The following BDH2 variants were observed in gnomAD, a reference collection of about 807,000 sequenced individuals.
The protein encoded by BDH2 is dehydrogenase/reductase SDR family member 6.
Under a neutral mutation model 33.2 loss-of-function variants are expected in BDH2, and 24 were observed. The observed-to-expected ratio is 0.72, with a 90% CI of 0.52 to 1.02. The LOEUF is 1.02. BDH2 is among the 50% of genes least tolerant of loss of function. BDH2 has a pLI of 0.00. For synonymous variants in BDH2, 81 were observed against 101.6 expected (o/e 0.80, Z 1.22); for missense variants, 249 against 301.6 (o/e 0.83, Z 1.29).
At chr4:103,095,373 T>C in intron 2 of BDH2, 92 bp from the exon 3 acceptor site, 1 of 928,262 alleles carries the variant, frequency 1.1e-6, no homozygotes, top group South Asian at 1.4e-5. Flanking sequence ...CTCCTTTATC[T>C]TATTTTCATT....
intron 6 of BDH2, 135 bp from the exon 7 acceptor site, chr4:103,085,597 T>TA: frequency 8.3e-6 from 12 of 1,444,398 alleles, no homozygotes; most frequent in Non-Finnish European, 1.1e-5. Context: ...AAAAGATTGA[T>TA]ATCAGATTTT....
chr4:103,088,389 T>C (rs1747904359), intron 5 of BDH2, among the ~76,000 whole-genome samples: 1 of 152,210 alleles, frequency 6.6e-6, no homozygotes, highest in Non-Finnish European at 1.5e-5. Flanking sequence ...AGGCAAAACC[T>C]TAGAATAAAG....
In BDH2 at chr4:103,085,394, C is replaced by A; in HGVS notation, c.487G>T (p.Ala163Ser). Residue 163 changes from alanine (A) to serine (S), a missense_variant, in exon 7 of 10, where the codon GCA (alanine) becomes TCA (serine). Physicochemically the swap from Ala to Ser is moderately conservative, Grantham distance 99 (BLOSUM62 1). Coordinates refer to ENST00000296424, the MANE Select transcript of BDH2 (RefSeq NM_020139.4). Reference sequence around the variant, plus strand: ...CTGATGCCCTGCTGGATGAAATCTGCAGCCACAGATTTTGTGAGGCCAATC... The same window carrying A: ...CTGATGCCCTGCTGGATGAAATCTGAAGCCACAGATTTTGTGAGGCCAATC... ...AVIGLTKSVAADFIQQGIRCN... is the reference protein window; with the variant it reads ...AVIGLTKSVASDFIQQGIRCN... The A allele has an allele frequency of 6.2e-7, 1 of 1,612,234 alleles. No individual in the cohort carries two copies. The highest frequency in any genetic ancestry group is 8.5e-7 in the Non-Finnish European group (1 of 1,179,710).
chr4:103,094,650 C>T (rs188079256), intron 3 of BDH2, among the ~76,000 whole-genome samples: 36 of 151,232 alleles, frequency 2.4e-4, no homozygotes, highest in Non-Finnish European at 2.1e-4. Context: ...TAAGAAACTT[C>T]TAATAATTTA....
At chr4:103,092,399 C>G in intron 4 of BDH2, 1 of 576,902 alleles carries the variant, frequency 1.7e-6, no homozygotes, top group Non-Finnish European at 3.1e-6. Flanking sequence ...CCTCATTTGC[C>G]CCAGATCATG....
At chr4:103,095,742 C>A (rs1273191277) in intron 2 of BDH2, among the ~76,000 whole-genome samples, 1 of 152,104 alleles carries the variant, frequency 6.6e-6, no homozygotes, top group Non-Finnish European at 1.5e-5. Context: ...TACTGTTATA[C>A]TTAAGGTGCC....
At chr4:103,088,286 C>G (rs1053609820) in intron 5 of BDH2, among the ~76,000 whole-genome samples, 5 of 152,152 alleles carry the variant, frequency 3.3e-5, no homozygotes, top group African/African-American at 1.2e-4. Context: ...ATTTAAAATA[C>G]ATATAGAATA....
At chr4:103,085,110 T>A (rs1747714059) in intron 7 of BDH2, among the ~76,000 whole-genome samples, 1 of 152,232 alleles carries the variant, frequency 6.6e-6, no homozygotes, top group Admixed American at 6.5e-5. Flanking sequence ...CCTATAGTTA[T>A]TAAGAAAAGG....
intron 3 of BDH2, among the ~76,000 whole-genome samples, chr4:103,093,379 A>G (rs1748203848): frequency 6.6e-6 from 1 of 151,978 alleles, no homozygotes; most frequent in Non-Finnish European, 1.5e-5. Context: ...CAAGGAGAAG[A>G]AATGAGAGGG....
At chr4:103,081,129 A>G (rs1449365051) in intron 9 of BDH2, among the ~76,000 whole-genome samples, 1 of 152,190 alleles carries the variant, frequency 6.6e-6, no homozygotes, top group Non-Finnish European at 1.5e-5. Flanking sequence ...CATAAAACAG[A>G]GGAGGACCTT....
rs1747366375 is a variant in BDH2, at chr4:103,078,780, T to G, written c.*922A>C. ...GTGGAAATTATTATTATTATTTAGG[T>G]ACAGGGTCTTGCTCTGTCACCCTGG... On this transcript the variant is annotated 3_prime_UTR_variant, in exon 10 of 10. Coordinates refer to ENST00000296424, the MANE Select transcript of BDH2 (RefSeq NM_020139.4). Among the ~76,000 whole-genome samples the G allele has an allele frequency of 2.0e-5, 3 of 152,180 alleles. No individual in the cohort carries two copies. The highest frequency in any genetic ancestry group is 7.2e-5 in the African/African-American group (3 of 41,442).
At chr4:103,079,882 C>T in intron 9 of BDH2, 127 bp from the exon 10 acceptor site, 2 of 806,890 alleles carry the variant, frequency 2.5e-6, no homozygotes, top group East Asian at 2.7e-5. Context: ...CTCACTTAAA[C>T]ACTTAATTCA....
At position 103,091,301 on chromosome 4, in the gene BDH2, A is replaced by C; in HGVS notation, c.249-16T>G. On this transcript the variant is annotated splice_polypyrimidine_tract_variant and intron_variant, in intron 4 of 9. Transcript: ENST00000296424. ...ATGGACAAAACTAGAAGAGTGATTA[A>C]ACAATGGAAGAATAACTGCCATTAA... The C allele has an allele frequency of 6.5e-7, 1 of 1,547,656 alleles. No homozygotes were observed. Among genetic ancestry groups the C allele is most frequent in the South Asian group, 1.1e-5 (1 of 88,286 alleles).
chr4:103,082,987 TAACTA>T lies in BDH2; in HGVS notation c.533-63_533-59del. 18 of 1,420,034 alleles carry T rather than the reference TAACTA, an allele frequency of 1.3e-5. No individual in the cohort carries two copies. In the South Asian group the frequency reaches 2.1e-4, roughly 16 times the overall value. The allele number at this position is 1,420,034 out of a possible 1,614,324, so 88.0% of individuals were successfully genotyped here. On this transcript the variant is annotated intron_variant, in intron 7 of 9. Coordinates refer to ENST00000296424, the MANE Select transcript of BDH2 (RefSeq NM_020139.4). Reference sequence around the variant, plus strand: ...TCACTTTCACTGAAAAAGAAATCGATAACTAAACTTCCTTTCCATATGACAATCAG... The same window carrying T: ...TCACTTTCACTGAAAAAGAAATCGATAACTTCCTTTCCATATGACAATCAG...
chr4:103,080,095 A>C (rs1747434473), intron 9 of BDH2, among the ~76,000 whole-genome samples: 1 of 152,222 alleles, frequency 6.6e-6, no homozygotes, highest in Non-Finnish European at 1.5e-5. Flanking sequence ...GAAACTCAGA[A>C]CTATTCAAAA....
intron 4 of BDH2, chr4:103,091,645 T>C (rs1748097717): frequency 2.2e-6 from 1 of 447,788 alleles, no homozygotes; most frequent in Middle Eastern, 3.3e-4. Context: ...CTTTGAAGGC[T>C]GAGGCAAGAG....
chr4:103,091,634 AC>A, intron 4 of BDH2: 1 of 443,458 alleles, frequency 2.3e-6, no homozygotes, highest in Non-Finnish European at 4.5e-6. Flanking sequence ...AGCCTCAGCT[AC>A]TTTGAAGGCT....
chr4:103,093,597 A>G (rs1748214421), intron 3 of BDH2, among the ~76,000 whole-genome samples: 1 of 147,946 alleles, frequency 6.8e-6, no homozygotes, highest in Non-Finnish European at 1.5e-5. Context: ...TAATATATAC[A>G]ATGTATTAAT....
chr4:103,085,870 A>G, intron 6 of BDH2: 1 of 1,220,010 alleles, frequency 8.2e-7, no homozygotes, highest in Non-Finnish European at 1.0e-6. Flanking sequence ...AAGAGAAGAA[A>G]TGGTATCTCA....
Sources: allele counts gnomAD v4.1 joint callset (sites outside exome capture counted in the v4.1 genomes callset), GRCh38; gene constraint gnomAD v4.1.1; transcripts MANE v1.5; gene names NCBI Gene and HGNC (gene_info 2026-07-23, HGNC 2026-07-21).